EFNB3: variants seen among roughly 807,000 people sequenced by gnomAD.
EFNB3 encodes the protein ephrin-B3.
A neutral mutation model predicts 29.8 loss-of-function variants in EFNB3; 14 were observed. The observed-to-expected ratio is 0.47, with a 90% CI of 0.31 to 0.73. The LOEUF (loss-of-function observed/expected upper bound fraction) is 0.73, where lower values mean the gene tolerates loss of function less well. Among genes scored for constraint, EFNB3 ranks in the 30% least tolerant of loss-of-function variants. The pLI is 0.05. For missense variants in EFNB3, 408 were observed against 458.0 expected, an observed-to-expected ratio of 0.89 and a Z score of 1.00; for synonymous variants, 216 against 191.6, an observed-to-expected ratio of 1.13 and a Z score of -1.05.
Position 7,708,291 on chromosome 17 carries a change from G to A in EFNB3, c.415+41G>A. On this transcript the variant is annotated intron_variant, in intron 2 of 4. Coordinates refer to ENST00000226091, the MANE Select transcript of EFNB3 (RefSeq NM_001406.4). The surrounding 1 kb of genome is among the most constrained non-coding windows in gnomAD (Gnocchi z 6.8). The stretch of plus-strand genomic sequence containing the variant: ...GGGCACGATTGAGTGGGGGGCTCCT[G>A]ATACTGAGCAGAGAGGGAGGGGGAC... 1.3e-6 allele frequency: 2 copies of A among 1,598,284 alleles called. No homozygotes were observed. Among genetic ancestry groups the A allele is most frequent in the Non-Finnish European group, 8.5e-7 (1 of 1,172,706 alleles).
chr17:7,708,860 A>G lies in EFNB3; in HGVS notation c.613+121A>G. ...GGGGCGGTGATACAGGAAAGAGGAG[A>G]AGAGAGGATGGGAGGGTGGGAGGGG... On this transcript the variant is annotated intron_variant, in intron 4 of 4. Transcript: ENST00000226091. This position sits in a 1 kb window ranked among gnomAD's most constrained non-coding sequence, Gnocchi z 6.8. 1 of 843,396 alleles carries G rather than the reference A, an allele frequency of 1.2e-6. No individual in the cohort carries two copies. 52.2% of individuals were successfully genotyped at this position (843,396 alleles called of 1,614,324 possible).
At position 7,705,381 on chromosome 17, in the gene EFNB3, C is replaced by A; in HGVS notation, c.-218C>A. The A allele has an allele frequency of 2.7e-6, 1 of 373,850 alleles. No homozygotes were observed. The highest frequency in any genetic ancestry group is 4.8e-6 in the Non-Finnish European group (1 of 209,580). 23.2% of individuals were successfully genotyped at this position (373,850 alleles called of 1,614,324 possible). ...GGTGCTGGCGCGTGGGCCGGGGGCG[C>A]GTAGGGCGCCTGCAGACGGCCCCTG... On this transcript the variant is annotated 5_prime_UTR_variant, in exon 1 of 5. Transcript: ENST00000226091. The surrounding 1 kb of genome is among the most constrained non-coding windows in gnomAD (Gnocchi z 5.4).
Position 7,709,370 on chromosome 17 carries a change from G to A in EFNB3, c.817G>A (p.Gly273Arg), listed in dbSNP as rs769974451. ...HPGPGSFGRG[G>R]SLGLGGGGGM... is the part of the protein sequence containing the mutation. ...TGGTCCTGGCTCCTTCGGGAGGGGA[G>A]GGTCTCTGGGCCTGGGGGGTGGAGG... The change falls in exon 5 of 5, where the codon GGG (glycine) becomes AGG (arginine). Residue 273 changes from glycine to arginine, a missense_variant. Gly to Arg is a moderately radical substitution (Grantham distance 125, BLOSUM62 -2). Coordinates refer to ENST00000226091, the MANE Select transcript of EFNB3 (RefSeq NM_001406.4). The surrounding 1 kb of genome is among the most constrained non-coding windows in gnomAD (Gnocchi z 4.5). 3.8e-6 allele frequency: 6 copies of A among 1,581,722 alleles called. No homozygotes were observed. Among genetic ancestry groups the A allele is most frequent in the Non-Finnish European group, 5.2e-6 (6 of 1,164,118 alleles).
intron 1 of EFNB3, among the ~76,000 whole-genome samples, chr17:7,707,130 C>T (rs1479506022): frequency 6.7e-6 from 1 of 149,626 alleles, no homozygotes; most frequent in Non-Finnish European, 1.5e-5. Flanking sequence ...AGTCCTGAGA[C>T]CCTGTCTCAG....
Position 7,709,839 on chromosome 17 carries a change from C to T in EFNB3, c.*263C>T. 1 of 562,282 alleles carries T rather than the reference C, an allele frequency of 1.8e-6. No homozygotes were observed. The highest frequency in any genetic ancestry group is 3.1e-6 in the Non-Finnish European group (1 of 317,646). The allele number at this position is 562,282 out of a possible 1,614,324, so 34.8% of individuals were successfully genotyped here. On this transcript the variant is annotated 3_prime_UTR_variant, in exon 5 of 5. Coordinates refer to ENST00000226091, the MANE Select transcript of EFNB3 (RefSeq NM_001406.4). The surrounding 1 kb of genome is among the most constrained non-coding windows in gnomAD (Gnocchi z 4.5). ...CTTTTTCCTTGGGGAGGGGCACAGG[C>T]TCAGCCTCCTCTCTGACCATGACCC...
rs1201705988 is a variant in EFNB3, at chr17:7,710,450, C to G, written c.*874C>G. On this transcript the variant is annotated 3_prime_UTR_variant, in exon 5 of 5. Transcript: ENST00000226091. ...CAGACAAGAGGTGACCAGGCCCGGA[C>G]AGAAATGGCCTGGGAAGTAGCAGAA... 2.6e-5 allele frequency: 4 copies of G among 152,718 alleles called. No individual in the cohort carries two copies. In the East Asian group the frequency reaches 5.8e-4, roughly 22 times the overall value. The allele number at this position is 152,718 out of a possible 1,614,324, so 9.5% of individuals were successfully genotyped here. A position where few individuals can be genotyped will look rare whatever the true frequency, so the allele number is the denominator to read the frequency against.
At chr17:7,706,359 C>T (rs2074327822) in intron 1 of EFNB3, among the ~76,000 whole-genome samples, 1 of 152,042 alleles carries the variant, frequency 6.6e-6, no homozygotes, top group African/African-American at 2.4e-5. Flanking sequence ...CCCCCTGAAC[C>T]CTCCTTCCTT....
chr17:7,709,382 C>CT lies in EFNB3; in HGVS notation c.830dup (p.Gly280TrpfsTer10), dbSNP rs767752333. On this transcript the variant is annotated frameshift_variant, in exon 5 of 5. Transcript: ENST00000226091. LOFTEE classifies it high-confidence loss of function. This position sits in a 1 kb window ranked among gnomAD's most constrained non-coding sequence, Gnocchi z 4.5. ...CTTCGGGAGGGGAGGGTCTCTGGGC[C>CT]TGGGGGGTGGAGGTGGGATGGGACC... The CT allele has an allele frequency of 8.2e-7, 1 of 1,222,076 alleles. No homozygotes were observed. Among genetic ancestry groups the CT allele is most frequent in the Non-Finnish European group, 1.1e-6 (1 of 898,274 alleles). The allele number at this position is 1,222,076 out of a possible 1,614,324, so 75.7% of individuals were successfully genotyped here.
At position 7,705,865 on chromosome 17, in the gene EFNB3, G is replaced by A. The variant is rs2074326108; in HGVS notation, c.122+145G>A. On this transcript the variant is annotated intron_variant, in intron 1 of 4. Coordinates refer to ENST00000226091, the MANE Select transcript of EFNB3 (RefSeq NM_001406.4). The surrounding 1 kb of genome is among the most constrained non-coding windows in gnomAD (Gnocchi z 5.4). ...TGATGTGTGATGGGTTACTAGACAG[G>A]TGATCTTGGGAGCCAGACTCCGGGT... 9.7e-7 allele frequency: 1 copy of A among 1,032,326 alleles called. No individual in the cohort carries two copies. Among genetic ancestry groups the A allele is most frequent in the South Asian group, 1.7e-5 (1 of 57,262 alleles). 63.9% of individuals were successfully genotyped at this position (1,032,326 alleles called of 1,614,324 possible).
Position 7,709,710 on chromosome 17 carries a change from T to C in EFNB3, c.*134T>C. On this transcript the variant is annotated 3_prime_UTR_variant, in exon 5 of 5. Coordinates refer to ENST00000226091, the MANE Select transcript of EFNB3 (RefSeq NM_001406.4). The surrounding 1 kb of genome is among the most constrained non-coding windows in gnomAD (Gnocchi z 4.5). ...CAGCCCCTTCACTCCTCCCGGCTGC[T>C]GTCCTCGTCTCCACTTTTAGGATTC... 2 of 888,302 alleles carry C rather than the reference T, an allele frequency of 2.3e-6. No individual in the cohort carries two copies. The highest frequency in any genetic ancestry group is 3.5e-6 in the Non-Finnish European group (2 of 564,098). The allele number at this position is 888,302 out of a possible 1,614,324, so 55.0% of individuals were successfully genotyped here.
At position 7,705,533 on chromosome 17, in the gene EFNB3, A is replaced by G. The variant is rs1346766018; in HGVS notation, c.-66A>G. 3.3e-6 allele frequency: 3 copies of G among 908,044 alleles called. No individual in the cohort carries two copies. The highest frequency in any genetic ancestry group is 4.7e-6 in the Non-Finnish European group (3 of 644,512). 56.2% of individuals were successfully genotyped at this position (908,044 alleles called of 1,614,324 possible). On this transcript the variant is annotated 5_prime_UTR_variant, in exon 1 of 5. Coordinates refer to ENST00000226091, the MANE Select transcript of EFNB3 (RefSeq NM_001406.4). This position sits in a 1 kb window ranked among gnomAD's most constrained non-coding sequence, Gnocchi z 5.4. ...GGCTGAAGAGCCAGGCAGCCAAGGC[A>G]GCCACCCCGGGGGGTGGGCGACTTT...
Position 7,705,800 on chromosome 17 carries a change from T to A in EFNB3, c.122+80T>A. 2.0e-6 allele frequency: 3 copies of A among 1,488,606 alleles called. No homozygotes were observed. The highest frequency in any genetic ancestry group is 2.7e-6 in the Non-Finnish European group (3 of 1,130,152). 92.2% of individuals were successfully genotyped at this position (1,488,606 alleles called of 1,614,324 possible). A position where few individuals can be genotyped will look rare whatever the true frequency, so the allele number is the denominator to read the frequency against. On this transcript the variant is annotated intron_variant, in intron 1 of 4. Coordinates refer to ENST00000226091, the MANE Select transcript of EFNB3 (RefSeq NM_001406.4). This position sits in a 1 kb window ranked among gnomAD's most constrained non-coding sequence, Gnocchi z 5.4. Reference sequence around the variant, plus strand: ...CTCTGGGGGCTTGGAGGCGGGCTTCTGTGGGCAGGGAGGAGGCGGGAGGGA... The same window carrying A: ...CTCTGGGGGCTTGGAGGCGGGCTTCAGTGGGCAGGGAGGAGGCGGGAGGGA...
At chr17:7,706,837 T>C (rs2074329170) in intron 1 of EFNB3, among the ~76,000 whole-genome samples, 2 of 152,194 alleles carry the variant, frequency 1.3e-5, no homozygotes, top group African/African-American at 4.8e-5. Context: ...TGTTCCTCTC[T>C]TTACTTCCCA....
chr17:7,709,304 T>C lies in EFNB3; in HGVS notation c.751T>C (p.Trp251Arg). Residue 251 changes from tryptophan (W) to arginine (R), a missense_variant, in exon 5 of 5, where the codon TGG becomes CGG. By Grantham distance (101) the Trp-to-Arg change is moderately radical. Transcript: ENST00000226091. The surrounding 1 kb of genome is among the most constrained non-coding windows in gnomAD (Gnocchi z 4.5). ...GVAGAGGAMC[W>R]RRRRAKPSES... The stretch of plus-strand genomic sequence containing the variant: ...GGCAGGGGCTGGGGGTGCCATGTGT[T>C]GGCGGAGACGGCGGGCCAAGCCTTC... The C allele has an allele frequency of 6.6e-7, 1 of 1,525,890 alleles. No homozygotes were observed. Among genetic ancestry groups the C allele is most frequent in the South Asian group, 1.2e-5 (1 of 85,740 alleles). 94.5% of individuals were successfully genotyped at this position (1,525,890 alleles called of 1,614,324 possible).
chr17:7,707,719 G>A (rs567767972), intron 1 of EFNB3, among the ~76,000 whole-genome samples: 2 of 152,166 alleles, frequency 1.3e-5, no homozygotes, highest in South Asian at 2.1e-4. Context: ...GAAGAGTGGA[G>A]TGCATTTGGG....
In EFNB3 at chr17:7,705,677, G is replaced by T; in HGVS notation, c.79G>T (p.Gly27Trp). 1 of 1,538,408 alleles carries T rather than the reference G, an allele frequency of 6.5e-7. No homozygotes were observed. The change falls in exon 1 of 5, where the codon GGG (glycine) becomes TGG (tryptophan). Residue 27 changes from glycine to tryptophan, a missense_variant. By Grantham distance (184) the Gly-to-Trp change is radical. This residue lies in a region of EFNB3 where 128 missense variants were observed against 140.8 expected (regional missense o/e 0.91). Transcript: ENST00000226091. The surrounding 1 kb of genome is among the most constrained non-coding windows in gnomAD (Gnocchi z 5.4). ...GCTGGGGGTTTTGGGGCTGGTGTCT[G>T]GGCTCAGCCTGGAGCCTGTCTACTG... is the stretch of plus-strand genomic sequence containing the variant. Reference protein sequence around the residue: ...LLLGVLGLVSGLSLEPVYWNS... With the variant: ...LLLGVLGLVSWLSLEPVYWNS...
chr17:7,706,282 G>A (rs566735245), intron 1 of EFNB3, among the ~76,000 whole-genome samples: 3 of 151,852 alleles, frequency 2.0e-5, no homozygotes, highest in Non-Finnish European at 4.4e-5. Context: ...TTGGCTGAAC[G>A]ATTTCCCAGC....
chr17:7,708,459 G>A lies in EFNB3; in HGVS notation c.440G>A (p.Gly147Asp). ...IIATSDGTRE[G>D]LESLQGGVCL... ...GCCACATCGGATGGGACCCGGGAGG[G>A]CCTGGAGAGCCTGCAGGGAGGTGTG... is the stretch of plus-strand genomic sequence containing the variant. Residue 147 changes from glycine (G) to aspartate (D), a missense_variant, in exon 3 of 5, where the codon GGC (glycine) becomes GAC (aspartate). By Grantham distance (94) the Gly-to-Asp change is moderately conservative (BLOSUM62 -1). This residue lies in a region of EFNB3 where 47 missense variants were observed against 86.6 expected (regional missense o/e 0.54). Transcript: ENST00000226091. The surrounding 1 kb of genome is among the most constrained non-coding windows in gnomAD (Gnocchi z 6.8). 3 of 1,613,734 alleles carry A rather than the reference G, an allele frequency of 1.9e-6. No homozygotes were observed. Among genetic ancestry groups the A allele is most frequent in the Non-Finnish European group, 2.5e-6 (3 of 1,179,878 alleles).
chr17:7,705,540 C>T lies in EFNB3; in HGVS notation c.-59C>T. 1.3e-5 allele frequency: 14 copies of T among 1,063,542 alleles called. No homozygotes were observed. Among genetic ancestry groups the T allele is most frequent in the Non-Finnish European group, 1.7e-5 (13 of 782,286 alleles). The allele number at this position is 1,063,542 out of a possible 1,614,324, so 65.9% of individuals were successfully genotyped here. On this transcript the variant is annotated 5_prime_UTR_variant, in exon 1 of 5. Transcript: ENST00000226091. The surrounding 1 kb of genome is among the most constrained non-coding windows in gnomAD (Gnocchi z 5.4). ...GAGCCAGGCAGCCAAGGCAGCCACC[C>T]CGGGGGGTGGGCGACTTTGGGGGAG... is the stretch of plus-strand genomic sequence containing the variant.
Sources: gnomAD v4.1 joint callset for allele counts (sites outside exome capture counted in the v4.1 genomes callset) on GRCh38, gnomAD v4.1.1 for gene constraint, gnomAD v4.1.1 regional missense constraint, Gnocchi (gnomAD v3.1) non-coding constraint, MANE v1.5 for transcripts, NCBI Gene and HGNC (gene_info 2026-07-23, HGNC 2026-07-21) for gene names.